The following CAMTA1 variants were observed in gnomAD, a reference collection of about 807,000 sequenced individuals.
CAMTA1 encodes the protein calmodulin-binding transcription activator 1.
A neutral mutation model predicts 170.9 loss-of-function variants in CAMTA1; 27 were observed. The ratio of observed to expected loss-of-function variants is 0.16; its 90% CI spans 0.12 to 0.22. CAMTA1 has a LOEUF of 0.22. CAMTA1 is among the 10% of genes least tolerant of loss of function. The probability of loss-of-function intolerance (pLI) is 1.00; values close to 1 mark genes in which losing one functional copy is unlikely to be tolerated. For synonymous variants in CAMTA1, 833 were observed against 891.5 expected, an observed-to-expected ratio of 0.93 and a Z score of 1.17; for missense variants, 1,619 against 2,217.2, an observed-to-expected ratio of 0.73 and a Z score of 5.42.
intron 4 of CAMTA1, among the ~76,000 whole-genome samples, chr1:7,194,815 C>T (rs1481817193): frequency 6.6e-6 from 1 of 152,210 alleles, no homozygotes. Context: ...AAATATTGGG[C>T]TCTTCTCTTC....
intron 6 of CAMTA1, 106 bp from the exon 7 acceptor site, chr1:7,640,294 G>A: frequency 8.0e-7 from 1 of 1,247,316 alleles, no homozygotes; most frequent in Non-Finnish European, 1.1e-6. Context: ...AGAGAGCCGG[G>A]TGTCTGGGGC....
chr1:7,507,695 G>A (rs2094141322), intron 6 of CAMTA1, among the ~76,000 whole-genome samples: 1 of 152,214 alleles, frequency 6.6e-6, no homozygotes, highest in Non-Finnish European at 1.5e-5. Flanking sequence ...AGGGGCCCAG[G>A]CCCCAGGGGC....
intron 4 of CAMTA1, among the ~76,000 whole-genome samples, chr1:7,244,377 C>T (rs937193273): frequency 6.6e-6 from 1 of 152,190 alleles, no homozygotes. Flanking sequence ...TTGACCTAGC[C>T]ATCCCATTAC....
intron 3 of CAMTA1, among the ~76,000 whole-genome samples, chr1:6,907,010 C>T (rs940627070): frequency 6.6e-6 from 1 of 152,144 alleles, no homozygotes; most frequent in South Asian, 2.1e-4. Context: ...TTTGTTCTCT[C>T]GCAGGAAGTC....
At chr1:7,462,115 C>T (rs1462051937) in intron 5 of CAMTA1, among the ~76,000 whole-genome samples, 3 of 152,232 alleles carry the variant, frequency 2.0e-5, no homozygotes, top group East Asian at 1.9e-4. Context: ...AGGCCAAATC[C>T]GGCCCACTAC....
At position 7,251,801 on chromosome 1, in the gene CAMTA1, A is replaced by G. The variant is rs1216415035; in HGVS notation, c.438+2175A>G. Among the ~76,000 whole-genome samples, 3 of 152,184 alleles carry G rather than the reference A, an allele frequency of 2.0e-5. No homozygotes were observed. Among genetic ancestry groups the G allele is most frequent in the African/African-American group, 7.2e-5 (3 of 41,436 alleles). On this transcript the variant is annotated intron_variant, in intron 5 of 22. Coordinates refer to ENST00000303635, the MANE Select transcript of CAMTA1 (RefSeq NM_015215.4). This position sits in a 1 kb window ranked among gnomAD's most constrained non-coding sequence, Gnocchi z 5.1. ...AGAGTGGGCTGGAATGGTCAGAGAC[A>G]CTTCCTAGGTCAGATGGGATACAAG...
At chr1:7,069,911 C>G (rs1638378004) in intron 3 of CAMTA1, among the ~76,000 whole-genome samples, 1 of 152,214 alleles carries the variant, frequency 6.6e-6, no homozygotes, top group African/African-American at 2.4e-5. Flanking sequence ...CATTGTGCAG[C>G]TGAGACTTAT....
intron 11 of CAMTA1, chr1:7,698,262 A>T (rs575275621): frequency 6.6e-6 from 1 of 152,334 alleles, no homozygotes; most frequent in South Asian, 2.1e-4. Context: ...CACTAACACT[A>T]ATGATAGCTG....
At chr1:7,084,395 A>G (rs746018695) in intron 3 of CAMTA1, among the ~76,000 whole-genome samples, 1 of 152,060 alleles carries the variant, frequency 6.6e-6, no homozygotes, top group Non-Finnish European at 1.5e-5. Flanking sequence ...GGACCCTTCT[A>G]TGGGGTTGAG....
chr1:7,015,593 C>A (rs1700419351), intron 3 of CAMTA1, among the ~76,000 whole-genome samples: 1 of 152,128 alleles, frequency 6.6e-6, no homozygotes, highest in South Asian at 2.1e-4. Flanking sequence ...GACTTTTAAC[C>A]CATGTTAGCA....
At chr1:7,597,073 C>T (rs1173733867) in intron 6 of CAMTA1, among the ~76,000 whole-genome samples, 2 of 152,140 alleles carry the variant, frequency 1.3e-5, no homozygotes, top group Admixed American at 1.3e-4. Context: ...CCCTTGCTGA[C>T]GTCCACCAAC....
At position 7,470,558 on chromosome 1, in the gene CAMTA1, G is replaced by A. The variant is rs568131671; in HGVS notation, c.510+2657G>A. On this transcript the variant is annotated intron_variant, in intron 6 of 22. Coordinates refer to ENST00000303635, the MANE Select transcript of CAMTA1 (RefSeq NM_015215.4). ...GAGGCTGCTCAGATGCCAGCCCCGA[G>A]CCAGCCTGGTCCTCTGAATGCAGGA... Among the ~76,000 whole-genome samples the A allele has an allele frequency of 1.4e-4, 22 of 152,324 alleles. No homozygotes were observed. The South Asian group carries it at 4.6e-3, about 32-fold the overall frequency.
At chr1:7,031,019 T>G (rs1702724099) in intron 3 of CAMTA1, among the ~76,000 whole-genome samples, 1 of 149,676 alleles carries the variant, frequency 6.7e-6, no homozygotes, top group Non-Finnish European at 1.5e-5. Context: ...TTTTTTTTTT[T>G]TTTTTTTTAG....
At chr1:7,745,053 C>T (rs763261994) in intron 17 of CAMTA1, 31 bp downstream of exon 17, 2 of 1,567,568 alleles carry the variant, frequency 1.3e-6, no homozygotes, top group Non-Finnish European at 1.7e-6. Context: ...CACTACCCAG[C>T]ATAGATTCCC....
intron 3 of CAMTA1, among the ~76,000 whole-genome samples, chr1:7,046,452 C>T (rs769861153): frequency 2.5e-4 from 38 of 152,194 alleles, no homozygotes; most frequent in Non-Finnish European, 4.1e-4. Flanking sequence ...GTCCGTGGTT[C>T]TTGTGGCTGA....
intron 4 of CAMTA1, among the ~76,000 whole-genome samples, chr1:7,141,807 G>GGTTACATGGTTGAC: frequency 1.3e-5 from 2 of 152,318 alleles, no homozygotes; most frequent in African/African-American, 4.8e-5. Flanking sequence ...AGAAGGATGA[G>GGTTACATGGTTGAC]AGACAGGCAA....
intron 3 of CAMTA1, among the ~76,000 whole-genome samples, chr1:6,911,947 C>G (rs995030386): frequency 1.3e-5 from 2 of 152,196 alleles, no homozygotes; most frequent in Admixed American, 6.5e-5. Flanking sequence ...AGATCAACTC[C>G]CTTTGTCTTC....
intron 6 of CAMTA1, among the ~76,000 whole-genome samples, chr1:7,521,303 A>G (rs79021547): frequency 0.015 from 2,357 of 152,316 alleles, 63 homozygotes; most frequent in African/African-American, 0.054. Context: ...TTGTAGGCTC[A>G]TATGCAGTTG....
At chr1:7,613,650 G>A (rs2095538532) in intron 6 of CAMTA1, among the ~76,000 whole-genome samples, 1 of 152,030 alleles carries the variant, frequency 6.6e-6, no homozygotes, top group Non-Finnish European at 1.5e-5. Flanking sequence ...GGGAGCCGGG[G>A]CACAGGAAAG....
Sources: allele counts gnomAD v4.1 joint callset (sites outside exome capture counted in the v4.1 genomes callset), GRCh38; gene constraint gnomAD v4.1.1; non-coding constraint Gnocchi (gnomAD v3.1); transcripts MANE v1.5; gene names NCBI Gene and HGNC (gene_info 2026-07-23, HGNC 2026-07-21).